OR1F1: variants seen among roughly 807,000 people sequenced by gnomAD.
OR1F1 encodes olfactory receptor 1F1.
For synonymous variants in OR1F1, 184 were observed against 156.7 expected, an observed-to-expected ratio of 1.17 and a Z score of -1.30; for missense variants, 493 against 376.3, an observed-to-expected ratio of 1.31 and a Z score of -2.57.
In OR1F1 at chr16:3,204,569, T is replaced by G. The variant is rs369884019; in HGVS notation, c.323T>G (p.Val108Gly). Residue 108 changes from valine to glycine, a missense_variant, in exon 1 of 1, where the codon GTG becomes GGG. Coordinates refer to ENST00000304646, the Ensembl canonical transcript of OR1F1. ...CAGATGTATTTCGTTTTCATGTTCG[T>G]GGACATGGACAATTTCCTCCTAGCT... The G allele has an allele frequency of 1.5e-5, 24 of 1,614,088 alleles. No homozygotes were observed. In the African/African-American group the frequency reaches 2.7e-4, roughly 18 times the overall value.
At chr16:3,195,676 CAAAAAAAAAA>C in the OR1F1 span, among the ~76,000 whole-genome samples, 1 of 99,298 alleles carries the variant, frequency 1.0e-5, no homozygotes, top group Middle Eastern at 5.5e-3. Context: ...GAGTGGAACT[CAAAAAAAAAA>C]AAAAAAAAGA....
the OR1F1 span, among the ~76,000 whole-genome samples, chr16:3,191,807 A>G: frequency 3.3e-5 from 5 of 151,742 alleles, no homozygotes; most frequent in Admixed American, 3.3e-4. Flanking sequence ...GGGCCACAGG[A>G]TGGGTGTGAG....
the OR1F1 span, among the ~76,000 whole-genome samples, chr16:3,196,531 G>A: frequency 2.0e-5 from 3 of 151,334 alleles, no homozygotes; most frequent in East Asian, 2.0e-4. Flanking sequence ...CCACAGGCAC[G>A]CACTACGACA....
the OR1F1 span, among the ~76,000 whole-genome samples, chr16:3,196,034 T>C: frequency 6.6e-6 from 1 of 152,238 alleles, no homozygotes; most frequent in Admixed American, 6.5e-5. Context: ...CCTGGTGGAC[T>C]TTCTCTTCTC....
exon 1 of OR1F1, chr16:3,204,999 C>T (rs2141594721): frequency 1.2e-6 from 2 of 1,614,162 alleles, no homozygotes; most frequent in South Asian, 1.1e-5. Flanking sequence ...TTCTCCTCTT[C>T]TACAGCACCA....
chr16:3,198,374 A>T, the OR1F1 span, among the ~76,000 whole-genome samples: 2 of 152,126 alleles, frequency 1.3e-5, no homozygotes, highest in Admixed American at 1.3e-4. Context: ...CATCTGGCTG[A>T]GGCAAGTAGG....
the OR1F1 span, among the ~76,000 whole-genome samples, chr16:3,196,338 G>T: frequency 2.0e-5 from 3 of 152,178 alleles, no homozygotes; most frequent in Non-Finnish European, 2.9e-5. Flanking sequence ...CGTTTAGCAA[G>T]ACTTAGGAGA....
At chr16:3,192,386 G>A in the OR1F1 span, among the ~76,000 whole-genome samples, 1 of 152,118 alleles carries the variant, frequency 6.6e-6, no homozygotes, top group Non-Finnish European at 1.5e-5. Context: ...TCAAGTCCAG[G>A]GTTTACTCCA....
the OR1F1 span, among the ~76,000 whole-genome samples, chr16:3,199,006 T>C: frequency 1.4e-5 from 2 of 147,170 alleles, no homozygotes; most frequent in African/African-American, 5.1e-5. Context: ...AAGGTGAGGA[T>C]GGTGGCTCAC....
the OR1F1 span, among the ~76,000 whole-genome samples, chr16:3,189,254 G>A: frequency 6.6e-6 from 1 of 152,206 alleles, no homozygotes; most frequent in African/African-American, 2.4e-5. Flanking sequence ...TTTCCAAGGC[G>A]AGCTTGCAGT....
In OR1F1 at chr16:3,204,953, A is replaced by G. The variant is rs1458588535; in HGVS notation, c.707A>G (p.Lys236Arg). 6.2e-6 allele frequency: 10 copies of G among 1,613,850 alleles called. No homozygotes were observed. In the East Asian group the frequency reaches 2.2e-4, roughly 36 times the overall value. ...GTCCCATCCACAAAGGGAAGGTGGA[A>G]AGCCTTCTCCACCTGTGGTTCTCAC... Residue 236 changes from lysine (K) to arginine (R), a missense_variant, in exon 1 of 1, where the codon AAA becomes AGA. Physicochemically the swap from Lys to Arg is conservative, Grantham distance 26. Coordinates refer to ENST00000304646, the Ensembl canonical transcript of OR1F1.
At chr16:3,196,133 TCAG>T in the OR1F1 span, among the ~76,000 whole-genome samples, 1 of 152,220 alleles carries the variant, frequency 6.6e-6, no homozygotes, top group Non-Finnish European at 1.5e-5. Flanking sequence ...CACTCCATTA[TCAG>T]AAAACCTTGC....
chr16:3,195,920 C>T, the OR1F1 span, among the ~76,000 whole-genome samples: 3 of 152,188 alleles, frequency 2.0e-5, no homozygotes, highest in South Asian at 2.1e-4. Flanking sequence ...CACCTGGGTG[C>T]GCAGCCCCAC....
chr16:3,198,933 G>A, the OR1F1 span, among the ~76,000 whole-genome samples: 1 of 151,176 alleles, frequency 6.6e-6, no homozygotes, highest in Non-Finnish European at 1.5e-5. Flanking sequence ...CTCCAGCTTA[G>A]GTGACAGAGC....
the OR1F1 span, among the ~76,000 whole-genome samples, chr16:3,192,049 C>T: frequency 3.2e-3 from 492 of 152,092 alleles, 2 homozygotes; most frequent in African/African-American, 0.011. Flanking sequence ...GGTTCAAATC[C>T]CGGACGAGCC....
the OR1F1 span, among the ~76,000 whole-genome samples, chr16:3,198,991 TAAAG>T: frequency 2.0e-5 from 3 of 150,288 alleles, no homozygotes; most frequent in Non-Finnish European, 4.4e-5. Context: ...CAAAACCCAT[TAAAG>T]AAGGTGAGGA....
chr16:3,192,049 C>A, the OR1F1 span, among the ~76,000 whole-genome samples: 1 of 151,976 alleles, frequency 6.6e-6, no homozygotes, highest in Non-Finnish European at 1.5e-5. Flanking sequence ...GGTTCAAATC[C>A]CGGACGAGCC....
At chr16:3,205,814 A>G (rs1404206378), downstream of OR1F1, among the ~76,000 whole-genome samples, 3 of 152,302 alleles carry the variant, frequency 2.0e-5, no homozygotes, top group Middle Eastern at 3.4e-3. Flanking sequence ...GATGTACGTC[A>G]CCTCAGGACC....
chr16:3,201,934 GC>G (rs1474387130), upstream of OR1F1, among the ~76,000 whole-genome samples: 1 of 152,186 alleles, frequency 6.6e-6, no homozygotes, highest in Non-Finnish European at 1.5e-5. Flanking sequence ...AAATATGGCT[GC>G]AAAACTCCCT....
Sources: gnomAD v4.1 joint callset for allele counts (sites outside exome capture counted in the v4.1 genomes callset) on GRCh38, gnomAD v4.1.1 for gene constraint, MANE v1.5 for transcripts, NCBI Gene and HGNC (gene_info 2026-07-23, HGNC 2026-07-21) for gene names.